UGT1A3: variants seen among roughly 807,000 people sequenced by gnomAD.
The protein encoded by UGT1A3 is UDP glucuronosyltransferase family 1 member A3.
UGT1A3 carries 31 observed loss-of-function variants against 41.0 expected under a neutral mutation model. The observed-to-expected ratio is 0.76, with a 90% CI of 0.57 to 1.02. The LOEUF is 1.02. Ranked by LOEUF, UGT1A3 falls within the 50% of genes least tolerant of loss-of-function variation. UGT1A3 has a pLI of 0.00. For missense variants in UGT1A3, 737 were observed against 671.0 expected (o/e 1.10, Z -1.09); for synonymous variants, 262 against 257.6 (o/e 1.02, Z -0.17).
At chr2:233,757,428 A>C (rs987166652) in intron 1 of UGT1A3, among the ~76,000 whole-genome samples, 1 of 151,108 alleles carries the variant, frequency 6.6e-6, no homozygotes, top group Non-Finnish European at 1.5e-5. Flanking sequence ...AAGAGAAGAA[A>C]AGTCACTTCT....
intron 1 of UGT1A3, among the ~76,000 whole-genome samples, chr2:233,758,743 G>T (rs1250346162): frequency 6.6e-6 from 1 of 152,162 alleles, no homozygotes; most frequent in East Asian, 1.9e-4. Context: ...CCCAAGTATG[G>T]CTGGCCAGTG....
At chr2:233,739,139 T>G (rs539919985) in intron 1 of UGT1A3, 1 of 152,378 alleles carries the variant, frequency 6.6e-6, no homozygotes, top group African/African-American at 2.4e-5. Flanking sequence ...AATTTAGGTT[T>G]GGGAACCTCC....
intron 1 of UGT1A3, chr2:233,742,079 T>C (rs1691866087): frequency 6.6e-6 from 1 of 151,874 alleles, no homozygotes; most frequent in Non-Finnish European, 1.5e-5. Flanking sequence ...GGAGATCCTT[T>C]TTTTACATTT....
At position 233,747,777 on chromosome 2, in the gene UGT1A3, A is replaced by G. The variant is rs1038765158; in HGVS notation, c.867+17784A>G. On this transcript the variant is annotated intron_variant, in intron 1 of 4. Transcript: ENST00000482026. ...AGACTTTAAGGGCACACAGTGTCCA[A>G]ATCCTTCCTCCTATATTCCTAAGTT... 11 of 1,613,426 alleles carry G rather than the reference A, an allele frequency of 6.8e-6. No individual in the cohort carries two copies. In the Admixed American group the frequency reaches 1.0e-4, roughly 15 times the overall value.
Position 233,747,263 on chromosome 2 carries a change from T to G in UGT1A3, c.867+17270T>G, listed in dbSNP as rs1693601928. 9 of 1,599,140 alleles carry G rather than the reference T, an allele frequency of 5.6e-6. 1 individual carries two copies. The highest frequency in any genetic ancestry group is 3.6e-4 in the Middle Eastern group (2 of 5,530). ...CTGCTGTGGCTGGCCACAGGAGTGCTACTCCTTCTCAGTGCCCAGCCCTGG... is the reference window on the plus strand; with the variant it reads ...CTGCTGTGGCTGGCCACAGGAGTGCGACTCCTTCTCAGTGCCCAGCCCTGG... On this transcript the variant is annotated intron_variant, in intron 1 of 4. Coordinates refer to ENST00000482026, the MANE Select transcript of UGT1A3 (RefSeq NM_019093.4).
chr2:233,739,933 AAGGTTGGTACC>A (rs1221573721), intron 1 of UGT1A3, among the ~76,000 whole-genome samples: 1 of 151,674 alleles, frequency 6.6e-6, no homozygotes, highest in Non-Finnish European at 1.5e-5. Context: ...CCCATGTGTT[AAGGTTGGTACC>A]TGGTGGGAGC....
intron 1 of UGT1A3, among the ~76,000 whole-genome samples, chr2:233,736,165 G>T (rs533285485): frequency 6.6e-6 from 1 of 152,206 alleles, no homozygotes; most frequent in Non-Finnish European, 1.5e-5. Flanking sequence ...CGTAGATTTG[G>T]TCTTTCCACA....
chr2:233,751,479 G>A (rs184268355), intron 1 of UGT1A3, among the ~76,000 whole-genome samples: 7 of 152,348 alleles, frequency 4.6e-5, no homozygotes, highest in Admixed American at 3.9e-4. Flanking sequence ...GTTTTGAAAT[G>A]TGAAAAGACA....
At chr2:233,738,051 A>T (rs1690672255) in intron 1 of UGT1A3, among the ~76,000 whole-genome samples, 1 of 152,154 alleles carries the variant, frequency 6.6e-6, no homozygotes, top group Admixed American at 6.5e-5. Context: ...TGAGGACAGG[A>T]CATGGTGGGA....
At chr2:233,750,355 T>C (rs1376976328) in intron 1 of UGT1A3, among the ~76,000 whole-genome samples, 7 of 151,880 alleles carry the variant, frequency 4.6e-5, no homozygotes, top group African/African-American at 1.5e-4. Context: ...TTGGAACTTA[T>C]GTTTAAAAGG....
chr2:233,746,859 GC>G lies in UGT1A3; in HGVS notation c.867+16868del, dbSNP rs776256702. Among the ~76,000 whole-genome samples the G allele has an allele frequency of 2.4e-3, 366 of 151,912 alleles. 1 individual carries two copies. Among genetic ancestry groups the G allele is most frequent in the Non-Finnish European group, 3.4e-3 (229 of 68,008 alleles). ...GGGGACCTCTCAGACCTCAGCTGCA[GC>G]CTGATAAACGTGGTTAACAGAGAAG... On this transcript the variant is annotated intron_variant, in intron 1 of 4. Coordinates refer to ENST00000482026, the MANE Select transcript of UGT1A3 (RefSeq NM_019093.4).
chr2:233,745,071 G>A (rs981811501), intron 1 of UGT1A3, among the ~76,000 whole-genome samples: 3 of 151,782 alleles, frequency 2.0e-5, no homozygotes, highest in Admixed American at 1.3e-4. Flanking sequence ...TATTTGTATT[G>A]TTTTTTCATT....
chr2:233,749,394 A>T (rs1364997409), intron 1 of UGT1A3, among the ~76,000 whole-genome samples: 1 of 151,918 alleles, frequency 6.6e-6, no homozygotes, highest in African/African-American at 2.4e-5. Flanking sequence ...CAATGTGAAC[A>T]TATTCTCTAG....
At chr2:233,757,538 ATAT>A in intron 1 of UGT1A3, among the ~76,000 whole-genome samples, 1 of 109,754 alleles carries the variant, frequency 9.1e-6, no homozygotes, top group African/African-American at 4.4e-5. Context: ...TGTAAGGAAT[ATAT>A]ATATATATAT....
At chr2:233,772,160 G>A in intron 4 of UGT1A3, 102 bp from the exon 5 acceptor site, 1 of 1,565,444 alleles carries the variant, frequency 6.4e-7, no homozygotes, top group Non-Finnish European at 8.7e-7. Flanking sequence ...CCTTTCCCAA[G>A]TTTGGAAAAT....
intron 1 of UGT1A3, chr2:233,761,300 G>A (rs2125991152): frequency 6.7e-7 from 1 of 1,496,402 alleles, no homozygotes; most frequent in Non-Finnish European, 9.1e-7. Flanking sequence ...CTAGGTTTGA[G>A]TCTGTCTTTG....
chr2:233,752,857 TTG>T (rs1695078036), intron 1 of UGT1A3, among the ~76,000 whole-genome samples: 1 of 152,216 alleles, frequency 6.6e-6, no homozygotes, highest in Non-Finnish European at 1.5e-5. Flanking sequence ...AATTTGAACT[TTG>T]TGTTAGCTTT....
rs759077293 is a variant in UGT1A3, at chr2:233,769,522, C to T, written c.1307+1083C>T. On this transcript the variant is annotated intron_variant, in intron 4 of 4. Transcript: ENST00000482026. The surrounding 1 kb of genome is among the most constrained non-coding windows in gnomAD (Gnocchi z 4.4). ...GTCCATTGCTTTCTCCCATGGTTAC[C>T]TCCTTTAGAAAGAAGCAGCAGTCAG... 1.2e-6 allele frequency: 2 copies of T among 1,612,844 alleles called. No individual in the cohort carries two copies. The highest frequency in any genetic ancestry group is 1.7e-6 in the Non-Finnish European group (2 of 1,179,866).
intron 1 of UGT1A3, chr2:233,754,963 A>G: frequency 7.6e-7 from 1 of 1,309,276 alleles, no homozygotes; most frequent in Non-Finnish European, 1.0e-6. Flanking sequence ...CCGCCAAAGA[A>G]CTCCCTGAAG....
Sources: allele counts gnomAD v4.1 joint callset (sites outside exome capture counted in the v4.1 genomes callset), GRCh38; gene constraint gnomAD v4.1.1; non-coding constraint Gnocchi (gnomAD v3.1); transcripts MANE v1.5; gene names NCBI Gene and HGNC (gene_info 2026-07-23, HGNC 2026-07-21).